PLEKHH2: variants seen among roughly 807,000 people sequenced by gnomAD.
The protein encoded by PLEKHH2 is pleckstrin homology, MyTH4 and FERM domain containing H2.
Under a neutral mutation model 187.9 loss-of-function variants are expected in PLEKHH2, and 129 were observed. The observed-to-expected ratio is 0.69, with a 90% CI of 0.59 to 0.79. The LOEUF (loss-of-function observed/expected upper bound fraction) is 0.79. Among genes scored for constraint, PLEKHH2 ranks in the 30% least tolerant of loss-of-function variants. PLEKHH2 has a pLI of 0.00. For synonymous variants in PLEKHH2, 686 were observed against 605.6 expected, an observed-to-expected ratio of 1.13 and a Z score of -1.95; for missense variants, 2,076 against 1,751.2, an observed-to-expected ratio of 1.19 and a Z score of -3.31.
At chr2:43,656,172 G>T (rs1574485623) in intron 2 of PLEKHH2, among the ~76,000 whole-genome samples, 1 of 152,002 alleles carries the variant, frequency 6.6e-6, no homozygotes, top group African/African-American at 2.4e-5. Context: ...GGCCAGGTTG[G>T]TCTCGAACTC....
chr2:43,735,811 TA>T (rs1422487241), intron 19 of PLEKHH2, among the ~76,000 whole-genome samples: 2 of 152,210 alleles, frequency 1.3e-5, no homozygotes. Flanking sequence ...TATCTATTAA[TA>T]TTACTTATTA....
chr2:43,743,319 T>C (rs1329272834), intron 22 of PLEKHH2, among the ~76,000 whole-genome samples: 1 of 152,226 alleles, frequency 6.6e-6, no homozygotes, highest in African/African-American at 2.4e-5. Flanking sequence ...GCCCTTCCAG[T>C]TCTCAGATCT....
chr2:43,640,950 A>ATTTTT (rs58200065), intron 1 of PLEKHH2, among the ~76,000 whole-genome samples: 5 of 115,774 alleles, frequency 4.3e-5, no homozygotes, highest in Admixed American at 9.4e-5. Context: ...TGCCTGGCTA[A>ATTTTT]TTTTTTTTTT....
intron 19 of PLEKHH2, among the ~76,000 whole-genome samples, chr2:43,736,871 G>C (rs988057559): frequency 1.3e-5 from 2 of 152,100 alleles, no homozygotes; most frequent in Admixed American, 1.3e-4. Context: ...GAGCTAAAGA[G>C]AGGGAGGGAG....
chr2:43,639,685 C>G (rs1331088403), intron 1 of PLEKHH2, among the ~76,000 whole-genome samples: 2 of 124,494 alleles, frequency 1.6e-5, no homozygotes, highest in Non-Finnish European at 3.2e-5. Flanking sequence ...GAGACAGAGT[C>G]TCACTCTGTC....
chr2:43,740,836 G>A (rs752991382), intron 20 of PLEKHH2, 110 bp from the exon 21 acceptor site: 295 of 1,455,434 alleles, frequency 2.0e-4, no homozygotes, highest in Non-Finnish European at 2.5e-4. Flanking sequence ...TGTGAAAGAA[G>A]CAAAACGTTT....
At chr2:43,642,595 C>T (rs1389785699) in intron 1 of PLEKHH2, among the ~76,000 whole-genome samples, 2 of 152,070 alleles carry the variant, frequency 1.3e-5, no homozygotes, top group Non-Finnish European at 2.9e-5. Flanking sequence ...TAGCTGTGGG[C>T]TTTAGTAAAC....
chr2:43,691,686 T>TA (rs149339082), intron 3 of PLEKHH2, among the ~76,000 whole-genome samples: 5 of 152,152 alleles, frequency 3.3e-5, no homozygotes, highest in Non-Finnish European at 7.4e-5. Context: ...GTTCTTTTTT[T>TA]AAAAAAACAT....
Position 43,743,996 on chromosome 2 carries a change from C to T in PLEKHH2, c.3555+7C>T. 9 of 1,609,870 alleles carry T rather than the reference C, an allele frequency of 5.6e-6. No homozygotes were observed. Among genetic ancestry groups the T allele is most frequent in the Non-Finnish European group, 6.8e-6 (8 of 1,177,096 alleles). On this transcript the variant is annotated splice_region_variant and intron_variant, in intron 23 of 29. Transcript: ENST00000282406. Reference sequence around the variant, plus strand: ...TCTTCAAGGAAACATCAAGGTGAAACCAAGTCCTTTTCAGGAGCCAAGCCC... The same window carrying T: ...TCTTCAAGGAAACATCAAGGTGAAATCAAGTCCTTTTCAGGAGCCAAGCCC...
intron 18 of PLEKHH2, 52 bp from the exon 19 acceptor site, chr2:43,731,438 C>T: frequency 1.7e-6 from 2 of 1,181,432 alleles, no homozygotes; most frequent in Non-Finnish European, 2.5e-6. Context: ...TAATAAGAGG[C>T]CACAATAAGT....
chr2:43,679,792 C>G (rs1668073481), intron 3 of PLEKHH2, among the ~76,000 whole-genome samples: 1 of 151,910 alleles, frequency 6.6e-6, no homozygotes, highest in Non-Finnish European at 1.5e-5. Flanking sequence ...GCCTGGCCCC[C>G]TATATTTTCA....
Position 43,706,412 on chromosome 2 carries a change from A to C in PLEKHH2, c.1817A>C (p.Lys606Thr). The change falls in exon 10 of 30, where the codon AAG becomes ACG. Residue 606 changes from lysine (K) to threonine (T), a missense_variant. Transcript: ENST00000282406. ...ACCACCCCAGTGTATACAACTTTGA[A>C]GGGGGTAACTCATTATTGTTATTGT... is the stretch of plus-strand genomic sequence containing the variant. ...NMTTPVYTTL[K>T]GKATQISSSP... The C allele has an allele frequency of 8.9e-6, 14 of 1,568,256 alleles. No individual in the cohort carries two copies. The highest frequency in any genetic ancestry group is 1.1e-5 in the Non-Finnish European group (13 of 1,139,846).
intron 24 of PLEKHH2, among the ~76,000 whole-genome samples, chr2:43,747,040 A>T (rs866893522): frequency 6.7e-6 from 1 of 148,826 alleles, no homozygotes; most frequent in Non-Finnish European, 1.5e-5. Flanking sequence ...TATTCTTTAT[A>T]CTCATATTTA....
At chr2:43,683,284 T>C (rs1668324025) in intron 3 of PLEKHH2, among the ~76,000 whole-genome samples, 1 of 151,950 alleles carries the variant, frequency 6.6e-6, no homozygotes, top group Admixed American at 6.6e-5. Flanking sequence ...TAGCTGGGAT[T>C]ACAGGCATCC....
intron 24 of PLEKHH2, among the ~76,000 whole-genome samples, chr2:43,747,880 C>T (rs1339284950): frequency 6.6e-6 from 1 of 152,164 alleles, no homozygotes. Context: ...TAATTTTGAT[C>T]CACTTTAAAA....
At chr2:43,720,139 C>A (rs1161669603) in intron 15 of PLEKHH2, among the ~76,000 whole-genome samples, 1 of 152,124 alleles carries the variant, frequency 6.6e-6, no homozygotes. Context: ...TTCCCATAAT[C>A]CACCCCTCCA....
chr2:43,680,970 T>C, intron 3 of PLEKHH2: 1 of 1,101,454 alleles, frequency 9.1e-7, no homozygotes, highest in Non-Finnish European at 1.3e-6. Flanking sequence ...ACTGGATTTC[T>C]AGTTTCCGTT....
At chr2:43,746,275 G>T (rs1388858168) in intron 24 of PLEKHH2, among the ~76,000 whole-genome samples, 1 of 152,160 alleles carries the variant, frequency 6.6e-6, no homozygotes, top group African/African-American at 2.4e-5. Flanking sequence ...AGGCCAAGGT[G>T]GGCAGATCAC....
At chr2:43,647,829 G>A (rs1260922392) in intron 2 of PLEKHH2, among the ~76,000 whole-genome samples, 7 of 152,162 alleles carry the variant, frequency 4.6e-5, no homozygotes, top group Middle Eastern at 3.4e-3. Context: ...CTCTTTGCCC[G>A]GAATTGTGGC....
Sources: gnomAD v4.1 joint callset for allele counts (sites outside exome capture counted in the v4.1 genomes callset) on GRCh38, gnomAD v4.1.1 for gene constraint, MANE v1.5 for transcripts, NCBI Gene and HGNC (gene_info 2026-07-23, HGNC 2026-07-21) for gene names.